The following ZNF804A variants were observed in gnomAD, a reference collection of about 807,000 sequenced individuals.
ZNF804A encodes the protein zinc finger protein 804A.
In ZNF804A, 2 loss-of-function variants were observed where a neutral mutation model predicts 16.5. That is an observed-to-expected ratio of 0.12 (90% CI 0.05 to 0.38). ZNF804A has a LOEUF of 0.38. Among genes scored for constraint, ZNF804A ranks in the 10% least tolerant of loss-of-function variants. The probability of loss-of-function intolerance (pLI) is 0.99; values close to 1 mark genes in which losing one functional copy is unlikely to be tolerated. For missense variants in ZNF804A, 1,473 were observed against 1,390.7 expected (o/e 1.06, Z -0.94); for synonymous variants, 534 against 489.6 (o/e 1.09, Z -1.20).
intron 1 of ZNF804A, among the ~76,000 whole-genome samples, chr2:184,865,278 T>C (rs1424460550): frequency 1.3e-5 from 2 of 151,998 alleles, no homozygotes; most frequent in African/African-American, 2.4e-5. Flanking sequence ...CTTCACATCA[T>C]GAATAATGTT....
In ZNF804A at chr2:184,933,656, C is replaced by A. The variant is rs1685740401; in HGVS notation, c.309C>A (p.Ser103=). 3 of 1,609,482 alleles carry A rather than the reference C, an allele frequency of 1.9e-6. No homozygotes were observed. Among genetic ancestry groups the A allele is most frequent in the Admixed American group, 1.7e-5 (1 of 59,046 alleles). ...TTGCTCGAAATGTAGCATCTAAATC[C>A]AGGAAAGATGAAAGAAAACAGGAAA... ...REFARNVASK[S]RKDERKQEKA... is the part of the protein sequence containing the mutation. Residue 103 remains serine, a synonymous_variant, in exon 3 of 4, where the codon TCC becomes TCA. Coordinates refer to ENST00000302277, the MANE Select transcript of ZNF804A (RefSeq NM_194250.2).
chr2:184,851,383 GC>G (rs1489897806), intron 1 of ZNF804A, among the ~76,000 whole-genome samples: 1 of 151,662 alleles, frequency 6.6e-6, no homozygotes, highest in African/African-American at 2.4e-5. Flanking sequence ...TTCTCTTTCT[GC>G]TTCTGAGTTC....
At chr2:184,928,045 G>C (rs1685636577) in intron 2 of ZNF804A, among the ~76,000 whole-genome samples, 1 of 151,918 alleles carries the variant, frequency 6.6e-6, no homozygotes, top group Non-Finnish European at 1.5e-5. Flanking sequence ...TCAAGCAGAG[G>C]AAGTCTCTCC....
chr2:184,779,602 A>G (rs1012637457), intron 1 of ZNF804A, among the ~76,000 whole-genome samples: 2 of 151,668 alleles, frequency 1.3e-5, no homozygotes, highest in African/African-American at 4.8e-5. Context: ...TAAGTGCAAA[A>G]GAGGTAGAAG....
chr2:184,757,675 T>TA (rs1006443394), intron 1 of ZNF804A, among the ~76,000 whole-genome samples: 19 of 152,128 alleles, frequency 1.2e-4, no homozygotes, highest in African/African-American at 3.8e-4. Context: ...ACATTCACCT[T>TA]AAAAAACACT....
intron 2 of ZNF804A, among the ~76,000 whole-genome samples, chr2:184,895,565 C>T (rs1304625156): frequency 6.6e-6 from 1 of 152,190 alleles, no homozygotes; most frequent in Non-Finnish European, 1.5e-5. Context: ...AATTGTGCTA[C>T]TTTCTCACTC....
chr2:184,757,280 G>A (rs893085928), intron 1 of ZNF804A, among the ~76,000 whole-genome samples: 5 of 151,898 alleles, frequency 3.3e-5, no homozygotes, highest in Non-Finnish European at 7.4e-5. Flanking sequence ...TGAATCAAAA[G>A]GGAAACCTGA....
intron 1 of ZNF804A, among the ~76,000 whole-genome samples, chr2:184,615,490 A>C (rs1172265675): frequency 6.6e-6 from 1 of 152,198 alleles, no homozygotes; most frequent in Admixed American, 6.5e-5. Context: ...ATTAATTTGG[A>C]TGATAACTTA....
At chr2:184,902,908 G>C (rs2105828024) in intron 2 of ZNF804A, among the ~76,000 whole-genome samples, 1 of 152,256 alleles carries the variant, frequency 6.6e-6, no homozygotes. Flanking sequence ...GCCAAGGAAT[G>C]TACAGTTACA....
rs151243306 is a variant in ZNF804A, at chr2:184,905,187, T to C, written c.256-28416T>C. Among the ~76,000 whole-genome samples, 206 of 152,182 alleles carry C rather than the reference T, an allele frequency of 1.4e-3. 3 individuals are homozygous for C. Among genetic ancestry groups the C allele is most frequent in the Admixed American group, 0.012 (183 of 15,268 alleles). On this transcript the variant is annotated intron_variant, in intron 2 of 3. Coordinates refer to ENST00000302277, the MANE Select transcript of ZNF804A (RefSeq NM_194250.2). The stretch of plus-strand genomic sequence containing the variant: ...ACACATAAAAAAAGGAGTGTAATCC[T>C]TTGTCATTAAATCCTGCTGCTTAAA...
chr2:184,743,902 G>A (rs1362318311), intron 1 of ZNF804A, among the ~76,000 whole-genome samples: 1 of 151,838 alleles, frequency 6.6e-6, no homozygotes, highest in Non-Finnish European at 1.5e-5. Context: ...TAAGGTGAAG[G>A]GATTTAGTAG....
chr2:184,822,600 T>C (rs572905235), intron 1 of ZNF804A, among the ~76,000 whole-genome samples: 2 of 152,184 alleles, frequency 1.3e-5, no homozygotes, highest in South Asian at 4.1e-4. Flanking sequence ...TGTCTAAGAG[T>C]ACCTCTTGAA....
chr2:184,606,714 A>G (rs1445225366), intron 1 of ZNF804A, among the ~76,000 whole-genome samples: 1 of 152,092 alleles, frequency 6.6e-6, no homozygotes, highest in Non-Finnish European at 1.5e-5. Context: ...TTCTACCTGA[A>G]AACTTCTGTA....
At chr2:184,666,448 A>G (rs1332846729) in intron 1 of ZNF804A, among the ~76,000 whole-genome samples, 1 of 152,100 alleles carries the variant, frequency 6.6e-6, no homozygotes, top group Non-Finnish European at 1.5e-5. Context: ...AGCTAATCAA[A>G]TACAGTAGGA....
chr2:184,701,674 C>T (rs1311722340), intron 1 of ZNF804A, among the ~76,000 whole-genome samples: 1 of 151,594 alleles, frequency 6.6e-6, no homozygotes, highest in African/African-American at 2.4e-5. Flanking sequence ...AAATCAGGTT[C>T]TTTTTTTTCT....
At chr2:184,620,016 G>T (rs1433634752) in intron 1 of ZNF804A, among the ~76,000 whole-genome samples, 7 of 151,602 alleles carry the variant, frequency 4.6e-5, no homozygotes, top group Non-Finnish European at 7.4e-5. Context: ...AGTATATTTT[G>T]TAGGTTCTTA....
At chr2:184,647,673 AC>A (rs1691904148) in intron 1 of ZNF804A, among the ~76,000 whole-genome samples, 1 of 152,208 alleles carries the variant, frequency 6.6e-6, no homozygotes, top group East Asian at 1.9e-4. Flanking sequence ...TTTTGAACTA[AC>A]TCAGAAAGAC....
intron 1 of ZNF804A, among the ~76,000 whole-genome samples, chr2:184,683,180 G>A (rs1261234072): frequency 6.6e-6 from 1 of 152,084 alleles, no homozygotes; most frequent in Non-Finnish European, 1.5e-5. Flanking sequence ...GGTGTTGTGT[G>A]CTAGGTATGT....
At chr2:184,690,528 A>T (rs1277407844) in intron 1 of ZNF804A, among the ~76,000 whole-genome samples, 1 of 152,058 alleles carries the variant, frequency 6.6e-6, no homozygotes, top group Non-Finnish European at 1.5e-5. Context: ...TGTAACCTAG[A>T]AGAGAAATTC....
Sources: gnomAD v4.1 joint callset for allele counts (sites outside exome capture counted in the v4.1 genomes callset) on GRCh38, gnomAD v4.1.1 for gene constraint, MANE v1.5 for transcripts, NCBI Gene and HGNC (gene_info 2026-07-23, HGNC 2026-07-21) for gene names.